The following SPMIP4 variants were observed in gnomAD, a reference collection of about 807,000 sequenced individuals.
SPMIP4 encodes the protein sperm microtubule inner protein 4.
chr7:25,151,675 T>C, the SPMIP4 span: 2 of 1,601,556 alleles, frequency 1.2e-6, no homozygotes, highest in Non-Finnish European at 1.7e-6. Flanking sequence ...TTCATATCTA[T>C]AAGGATTACC....
the SPMIP4 span, among the ~76,000 whole-genome samples, chr7:25,149,994 C>T: frequency 3.9e-5 from 6 of 152,156 alleles, no homozygotes; most frequent in Admixed American, 1.3e-4. Context: ...TGAGCTGAGC[C>T]TTGAATTAGC....
At chr7:25,158,382 A>AAC in the SPMIP4 span, 1 of 749,436 alleles carries the variant, frequency 1.3e-6, no homozygotes, top group Non-Finnish European at 2.2e-6. Flanking sequence ...AAAAAAAAAA[A>AAC]AAAAAAGAAA....
the SPMIP4 span, among the ~76,000 whole-genome samples, chr7:25,168,654 A>G: frequency 2.6e-5 from 4 of 151,974 alleles, no homozygotes; most frequent in Non-Finnish European, 4.4e-5. Flanking sequence ...TGAAAGAATG[A>G]GGTTAAATTT....
chr7:25,133,505 G>C, the SPMIP4 span, among the ~76,000 whole-genome samples: 1 of 152,182 alleles, frequency 6.6e-6, no homozygotes, highest in South Asian at 2.1e-4. Flanking sequence ...GGCCAAAGTG[G>C]TCATATTTAG....
At chr7:25,142,724 G>A in the SPMIP4 span, 1 of 1,609,914 alleles carries the variant, frequency 6.2e-7, no homozygotes, top group South Asian at 1.1e-5. Flanking sequence ...GAGCAAATAG[G>A]GTCCCATGAA....
the SPMIP4 span, chr7:25,179,217 T>C: frequency 6.2e-7 from 1 of 1,611,622 alleles, no homozygotes; most frequent in South Asian, 1.1e-5. Flanking sequence ...CTGGAGGGGG[T>C]TGTGCAATTC....
the SPMIP4 span, among the ~76,000 whole-genome samples, chr7:25,131,944 C>T: frequency 6.6e-6 from 1 of 152,312 alleles, no homozygotes; most frequent in Admixed American, 6.5e-5. This position sits in a 1 kb window ranked among gnomAD's most constrained non-coding sequence, Gnocchi z 4.2. Flanking sequence ...AGCGGCGGGT[C>T]TGCGACGGCG....
the SPMIP4 span, chr7:25,155,031 G>C: frequency 6.2e-7 from 1 of 1,613,820 alleles, no homozygotes; most frequent in East Asian, 2.2e-5. Flanking sequence ...CAAAACTGTT[G>C]AATCATAAGC....
At chr7:25,159,764 T>C in the SPMIP4 span, among the ~76,000 whole-genome samples, 3 of 152,308 alleles carry the variant, frequency 2.0e-5, no homozygotes, top group South Asian at 4.1e-4. Context: ...AAAAGCATGT[T>C]CTATCTTCCA....
chr7:25,178,087 G>C, the SPMIP4 span, among the ~76,000 whole-genome samples: 3 of 152,160 alleles, frequency 2.0e-5, no homozygotes, highest in African/African-American at 7.2e-5. Context: ...GTGTTAGTTT[G>C]CTTTAGAATA....
At chr7:25,154,567 A>G in the SPMIP4 span, among the ~76,000 whole-genome samples, 7 of 152,222 alleles carry the variant, frequency 4.6e-5, no homozygotes, top group Non-Finnish European at 1.0e-4. Context: ...TGCTTTCTGC[A>G]TCTTATTTCA....
chr7:25,132,168 G>C, the SPMIP4 span, among the ~76,000 whole-genome samples: 1 of 152,218 alleles, frequency 6.6e-6, no homozygotes, highest in Non-Finnish European at 1.5e-5. This position sits in a 1 kb window ranked among gnomAD's most constrained non-coding sequence, Gnocchi z 5.0. Context: ...GTGCTGTCAT[G>C]CAACAGATGA....
At chr7:25,136,984 T>C in the SPMIP4 span, among the ~76,000 whole-genome samples, 1 of 152,166 alleles carries the variant, frequency 6.6e-6, no homozygotes, top group Non-Finnish European at 1.5e-5. This position sits in a 1 kb window ranked among gnomAD's most constrained non-coding sequence, Gnocchi z 5.7. Flanking sequence ...CCTTTACTGG[T>C]TTTAGAGAGT....
chr7:25,160,240 ACTT>A, the SPMIP4 span, among the ~76,000 whole-genome samples: 1 of 152,152 alleles, frequency 6.6e-6, no homozygotes, highest in East Asian at 1.9e-4. Context: ...AACAACTAGT[ACTT>A]CTTAATAAAG....
chr7:25,136,348 T>C, the SPMIP4 span: 1 of 1,614,180 alleles, frequency 6.2e-7, no homozygotes, highest in African/African-American at 1.3e-5. This position sits in a 1 kb window ranked among gnomAD's most constrained non-coding sequence, Gnocchi z 5.7. Context: ...AGATTTAAGA[T>C]TTTCATAGTG....
the SPMIP4 span, chr7:25,158,620 C>T: frequency 9.4e-7 from 1 of 1,068,594 alleles, no homozygotes; most frequent in Non-Finnish European, 1.4e-6. Context: ...ATGATATAGG[C>T]TGGGCATGGT....
chr7:25,147,062 G>A, the SPMIP4 span, among the ~76,000 whole-genome samples: 3 of 152,308 alleles, frequency 2.0e-5, no homozygotes, highest in East Asian at 1.9e-4. Context: ...TTGGGAGGCC[G>A]AGGAGGGAGG....
At chr7:25,160,629 G>A in the SPMIP4 span, among the ~76,000 whole-genome samples, 1 of 152,156 alleles carries the variant, frequency 6.6e-6, no homozygotes, top group African/African-American at 2.4e-5. Context: ...AAATAAAAAT[G>A]TATGCTTTTG....
At chr7:25,161,620 A>ATTTT in the SPMIP4 span, among the ~76,000 whole-genome samples, 24 of 131,222 alleles carry the variant, frequency 1.8e-4, no homozygotes, top group African/African-American at 7.0e-4. Flanking sequence ...TTATTTATAG[A>ATTTT]TTTTTTTTTT....
Sources: allele counts gnomAD v4.1 joint callset (sites outside exome capture counted in the v4.1 genomes callset), GRCh38; gene constraint gnomAD v4.1.1; non-coding constraint Gnocchi (gnomAD v3.1); transcripts MANE v1.5; gene names NCBI Gene and HGNC (gene_info 2026-07-23, HGNC 2026-07-21).